Variants in AMMECR1 observed in about 807,000 individuals in gnomAD.
The protein encoded by AMMECR1 is AMMECR nuclear protein 1.
In AMMECR1, 3 loss-of-function variants were observed where a neutral mutation model predicts 22.5. The observed-to-expected ratio is 0.13, with a 90% confidence interval of 0.06 to 0.35. AMMECR1 has a LOEUF of 0.35. Among genes scored for constraint, AMMECR1 ranks in the 10% least tolerant of loss-of-function variants. The probability of loss-of-function intolerance (pLI) is 1.00; values close to 1 mark genes in which losing one functional copy is unlikely to be tolerated. For synonymous variants in AMMECR1, 130 were observed against 116.7 expected (o/e 1.11, Z -0.74); for missense variants, 235 against 278.7 (o/e 0.84, Z 1.12).
intron 2 of AMMECR1, among the ~76,000 whole-genome samples, chrX:110,223,992 A>T (rs2067518237): frequency 8.9e-6 from 1 of 111,849 alleles, no homozygotes; most frequent in Non-Finnish European, 1.9e-5. Context: ...AGATCATAAC[A>T]GTACCCACCT....
intron 2 of AMMECR1, among the ~76,000 whole-genome samples, chrX:110,378,327 C>T (rs759640787): frequency 9.0e-6 from 1 of 111,234 alleles, no homozygotes; most frequent in Admixed American, 9.5e-5. Flanking sequence ...TACCCTAGTT[C>T]AGTTCTTCAT....
At chrX:110,198,806 A>C (rs1242059712) in intron 5 of AMMECR1, among the ~76,000 whole-genome samples, 172 bp from the exon 6 acceptor site, 4 of 111,586 alleles carry the variant, frequency 3.6e-5, no homozygotes, top group South Asian at 3.8e-4. Context: ...CTAAGATCAG[A>C]ACTTGGAAAT....
At chrX:110,347,518 A>C (rs987808444) in intron 2 of AMMECR1, among the ~76,000 whole-genome samples, 1 of 112,833 alleles carries the variant, frequency 8.9e-6, no homozygotes, top group Non-Finnish European at 1.9e-5. Context: ...TTCTTCTCAC[A>C]ATGTGAACAG....
intron 2 of AMMECR1, among the ~76,000 whole-genome samples, chrX:110,259,473 C>CTAT (rs1210523919): frequency 3.6e-5 from 4 of 111,340 alleles, no homozygotes; most frequent in Non-Finnish European, 7.5e-5. Flanking sequence ...AAGAATACAT[C>CTAT]TATTAATTAC....
At chrX:110,229,646 C>T (rs1269361759) in intron 2 of AMMECR1, among the ~76,000 whole-genome samples, 4 of 112,157 alleles carry the variant, frequency 3.6e-5, no homozygotes, top group Non-Finnish European at 5.6e-5. Flanking sequence ...TCATCTCATT[C>T]GGACTGGTTG....
At chrX:110,426,702 T>G (rs2068756962) in exon 2 of AMMECR1, 1 of 111,681 alleles carries the variant, frequency 9.0e-6, no homozygotes, top group South Asian at 3.8e-4. Context: ...GGAGCTCGGG[T>G]GGGTGGCCAT....
chrX:110,340,218 A>G (rs1459397992), intron 2 of AMMECR1, among the ~76,000 whole-genome samples: 1 of 111,612 alleles, frequency 9.0e-6, no homozygotes, highest in Non-Finnish European at 1.9e-5. Context: ...AAATGAGATA[A>G]CGCATGTAAA....
intron 2 of AMMECR1, among the ~76,000 whole-genome samples, chrX:110,410,487 T>C (rs1414659360): frequency 8.9e-6 from 1 of 112,221 alleles, no homozygotes; most frequent in Non-Finnish European, 1.9e-5. Flanking sequence ...CCACCTATTT[T>C]CTTTGAACAC....
At chrX:110,381,738 C>T (rs1046543914) in intron 2 of AMMECR1, among the ~76,000 whole-genome samples, 1 of 111,076 alleles carries the variant, frequency 9.0e-6, no homozygotes, top group Non-Finnish European at 1.9e-5. Context: ...ACTACCCAGC[C>T]ATAAAAATGA....
chrX:110,271,071 G>A (rs1278906377), intron 1 of AMMECR1, among the ~76,000 whole-genome samples: 1 of 111,585 alleles, frequency 9.0e-6, no homozygotes, highest in Non-Finnish European at 1.9e-5. Flanking sequence ...AGATTCAGAT[G>A]CATTTCTCAT....
At chrX:110,250,651 T>C in intron 2 of AMMECR1, among the ~76,000 whole-genome samples, 1 of 111,990 alleles carries the variant, frequency 8.9e-6, no homozygotes. Context: ...CGACTAAAAC[T>C]ATGTGGTAAC....
At chrX:110,209,872 G>GACACAC (rs112143179) in intron 3 of AMMECR1, among the ~76,000 whole-genome samples, 4 of 104,829 alleles carry the variant, frequency 3.8e-5, no homozygotes, top group Non-Finnish European at 7.9e-5. Context: ...AAATGCTGGG[G>GACACAC]ACACACACAC....
At chrX:110,384,752 T>C (rs1374600137) in intron 2 of AMMECR1, among the ~76,000 whole-genome samples, 1 of 110,931 alleles carries the variant, frequency 9.0e-6, no homozygotes, top group African/African-American at 3.3e-5. Flanking sequence ...TGTAAGGATT[T>C]GCCCGAACCC....
chrX:110,318,574 T>C (rs1480071171), upstream of AMMECR1, among the ~76,000 whole-genome samples: 2 of 110,655 alleles, frequency 1.8e-5, no homozygotes, highest in Non-Finnish European at 3.8e-5. Context: ...CCGCAAGCAG[T>C]ATTAATGACA....
chrX:110,237,235 G>A (rs1196597138), intron 2 of AMMECR1, among the ~76,000 whole-genome samples: 1 of 111,152 alleles, frequency 9.0e-6, no homozygotes, highest in African/African-American at 3.3e-5. Flanking sequence ...TAAGATAACG[G>A]ACTCTTTAGA....
At position 110,344,563 on chromosome X, in the gene AMMECR1, T is replaced by C. The variant is rs778896155; in HGVS notation, c.-147-26714A>G. On this transcript the variant is annotated intron_variant, in intron 2 of 7. Coordinates refer to the AMMECR1 transcript ENST00000372057. ...ACCATCAGAGTGAACAGGCAACCTA[T>C]GGAATGGGAGAAAATTTTTGCAATC... Among the ~76,000 whole-genome samples the C allele has an allele frequency of 8.6e-3, 950 of 110,096 alleles. 20 individuals are homozygous for C. The highest frequency in any genetic ancestry group is 0.03 in the African/African-American group (876 of 29,383).
intron 1 of AMMECR1, among the ~76,000 whole-genome samples, chrX:110,302,165 T>A (rs764171): frequency 0.088 from 9,783 of 111,303 alleles, 1,086 homozygotes; most frequent in African/African-American, 0.3. Context: ...AAAGATACCT[T>A]CTTTCAGGTA....
intron 2 of AMMECR1, among the ~76,000 whole-genome samples, chrX:110,242,769 T>C (rs2067639987): frequency 8.9e-6 from 1 of 112,143 alleles, no homozygotes; most frequent in African/African-American, 3.2e-5. Flanking sequence ...CATTTTTCTA[T>C]AGAATATTAT....
At chrX:110,326,459 C>T (rs1315116224) in intron 2 of AMMECR1, among the ~76,000 whole-genome samples, 3 of 111,679 alleles carry the variant, frequency 2.7e-5, no homozygotes, top group East Asian at 2.8e-4. Context: ...TTTCATTCCA[C>T]GGTGGTAGAT....
Sources: allele counts gnomAD v4.1 joint callset (sites outside exome capture counted in the v4.1 genomes callset), GRCh38; gene constraint gnomAD v4.1.1; transcripts MANE v1.5; gene names NCBI Gene and HGNC (gene_info 2026-07-23, HGNC 2026-07-21).